OR1J2: variants seen among roughly 807,000 people sequenced by gnomAD.
The protein encoded by OR1J2 is olfactory receptor family 1 subfamily J member 2.
For synonymous variants in OR1J2, 142 were observed against 99.7 expected (o/e 1.42, Z -2.52); for missense variants, 304 against 246.1 (o/e 1.24, Z -1.57).
the OR1J2 span, among the ~76,000 whole-genome samples, chr9:122,540,964 T>A: frequency 1.3e-5 from 2 of 152,178 alleles, no homozygotes; most frequent in Non-Finnish European, 2.9e-5. Flanking sequence ...GCACATTGAT[T>A]TTGTATCCTG....
chr9:122,552,657 T>C, the OR1J2 span, among the ~76,000 whole-genome samples: 1 of 151,758 alleles, frequency 6.6e-6, no homozygotes, highest in Admixed American at 6.6e-5. Context: ...CTGGTTTGAA[T>C]GGGTGAGGTC....
the OR1J2 span, among the ~76,000 whole-genome samples, chr9:122,494,105 T>C: frequency 6.6e-6 from 1 of 152,174 alleles, no homozygotes; most frequent in Admixed American, 6.5e-5. Flanking sequence ...GCCTATTGTA[T>C]GGTCTATTGG....
the OR1J2 span, among the ~76,000 whole-genome samples, chr9:122,501,160 A>G: frequency 3.3e-5 from 5 of 152,294 alleles, no homozygotes; most frequent in Admixed American, 1.3e-4. Context: ...TTTTAAAAAT[A>G]TTTGTCTGCC....
In OR1J2 at chr9:122,511,073, C is replaced by G. The variant is rs759405491; in HGVS notation, c.272C>G (p.Ser91Trp). ...ATGGACATGCGGACTAAGTACAAAT[C>G]GATCCTCTATGAGGAATGCATTTCT... ...MLMDMRTKYK[S>W]ILYEECISQM... Residue 91 changes from serine to tryptophan, a missense_variant, in exon 1 of 1, where the codon TCG becomes TGG. Transcript: ENST00000335302. 7.7e-7 allele frequency: 1 copy of G among 1,298,490 alleles called. No individual in the cohort carries two copies. Among genetic ancestry groups the G allele is most frequent in the East Asian group, 2.3e-5 (1 of 43,202 alleles). The allele number at this position is 1,298,490 out of a possible 1,614,324, so 80.4% of individuals were successfully genotyped here.
the OR1J2 span, among the ~76,000 whole-genome samples, chr9:122,457,601 C>T: frequency 6.7e-5 from 10 of 150,038 alleles, no homozygotes; most frequent in Non-Finnish European, 1.2e-4. Flanking sequence ...CAGGAATTGT[C>T]CTGAAAGAAG....
the OR1J2 span, chr9:122,519,186 G>A: frequency 6.2e-7 from 1 of 1,613,464 alleles, no homozygotes. Flanking sequence ...CCTCCTCCTG[G>A]ACCTCCCCAT....
At chr9:122,477,994 T>C in the OR1J2 span, 1 of 1,082,662 alleles carries the variant, frequency 9.2e-7, no homozygotes, top group Non-Finnish European at 1.4e-6. Flanking sequence ...GAATAAGAAA[T>C]GATAACTGTG....
At chr9:122,567,792 A>G in the OR1J2 span, 2 of 1,614,122 alleles carry the variant, frequency 1.2e-6, no homozygotes, top group South Asian at 1.1e-5. Context: ...AGTAGAGGGA[A>G]TCTTGAGAAC....
chr9:122,568,054 A>G, the OR1J2 span: 1 of 1,614,040 alleles, frequency 6.2e-7, no homozygotes. Context: ...AGCAGGACAC[A>G]GTGGTGGTGG....
At chr9:122,451,061 T>C in the OR1J2 span, among the ~76,000 whole-genome samples, 8 of 152,054 alleles carry the variant, frequency 5.3e-5, no homozygotes, top group East Asian at 7.7e-4. Flanking sequence ...AAGAATCACA[T>C]TGAGCCATGA....
chr9:122,556,501 C>A, the OR1J2 span, among the ~76,000 whole-genome samples: 1 of 151,884 alleles, frequency 6.6e-6, no homozygotes, highest in Non-Finnish European at 1.5e-5. Flanking sequence ...TAAGTAGTGT[C>A]CACCGGGGCC....
the OR1J2 span, among the ~76,000 whole-genome samples, chr9:122,554,649 G>A: frequency 6.6e-6 from 1 of 152,126 alleles, no homozygotes; most frequent in Non-Finnish European, 1.5e-5. Flanking sequence ...TATGCCTATC[G>A]ACTCCCTTTC....
At chr9:122,476,299 G>A in the OR1J2 span, among the ~76,000 whole-genome samples, 1 of 152,320 alleles carries the variant, frequency 6.6e-6, no homozygotes, top group African/African-American at 2.4e-5. Flanking sequence ...CTGGGCGAAA[G>A]AGGAGCCATA....
the OR1J2 span, among the ~76,000 whole-genome samples, chr9:122,466,556 A>C: frequency 1.3e-5 from 2 of 152,262 alleles, no homozygotes; most frequent in South Asian, 4.1e-4. Flanking sequence ...AGTACTAAAA[A>C]CCACTAACAT....
the OR1J2 span, chr9:122,476,829 C>T: frequency 1.7e-6 from 1 of 586,294 alleles, no homozygotes; most frequent in East Asian, 2.9e-5. Flanking sequence ...CCTCAGTCTC[C>T]CGAGTAGCTG....
At chr9:122,494,140 TAGAG>T in the OR1J2 span, among the ~76,000 whole-genome samples, 15 of 152,168 alleles carry the variant, frequency 9.9e-5, no homozygotes, top group Admixed American at 9.8e-4. Context: ...TGCTGATGAA[TAGAG>T]TGTATATCCT....
upstream of OR1J2, among the ~76,000 whole-genome samples, chr9:122,507,002 A>G (rs1478400207): frequency 1.3e-5 from 2 of 152,198 alleles, no homozygotes; most frequent in Non-Finnish European, 1.5e-5. Flanking sequence ...TTCATTGGCT[A>G]TAAAAATTAT....
the OR1J2 span, among the ~76,000 whole-genome samples, chr9:122,467,012 G>C: frequency 6.6e-6 from 1 of 151,984 alleles, no homozygotes; most frequent in East Asian, 1.9e-4. Context: ...GTAGAGACGG[G>C]GTTTCACCTT....
the OR1J2 span, among the ~76,000 whole-genome samples, chr9:122,490,339 T>C: frequency 6.6e-6 from 1 of 152,168 alleles, no homozygotes. Flanking sequence ...TAAATATATA[T>C]ATATCTCTTT....
Sources: gnomAD v4.1 joint callset for allele counts (sites outside exome capture counted in the v4.1 genomes callset) on GRCh38, gnomAD v4.1.1 for gene constraint, MANE v1.5 for transcripts, NCBI Gene and HGNC (gene_info 2026-07-23, HGNC 2026-07-21) for gene names.